The following CDKAL1 variants were observed in gnomAD, a reference collection of about 807,000 sequenced individuals.
CDKAL1 encodes threonylcarbamoyladenosine tRNA methylthiotransferase.
In CDKAL1, 32 loss-of-function variants were observed where a neutral mutation model predicts 68.2. That is an observed-to-expected ratio of 0.47 (90% CI 0.35 to 0.63). The LOEUF (loss-of-function observed/expected upper bound fraction) is 0.63. Among genes scored for constraint, CDKAL1 ranks in the 30% least tolerant of loss-of-function variants. The probability of loss-of-function intolerance (pLI) is 0.00; values close to 1 mark genes in which losing one functional copy is unlikely to be tolerated. For synonymous variants in CDKAL1, 234 were observed against 244.3 expected, an observed-to-expected ratio of 0.96 and a Z score of 0.39; for missense variants, 606 against 696.7, an observed-to-expected ratio of 0.87 and a Z score of 1.47.
intron 13 of CDKAL1, among the ~76,000 whole-genome samples, chr6:21,114,022 G>A (rs1013881664): frequency 9.9e-5 from 15 of 151,926 alleles, no homozygotes; most frequent in African/African-American, 3.6e-4. Flanking sequence ...GCCGAGGCGG[G>A]CAGATCACGA....
intron 10 of CDKAL1, among the ~76,000 whole-genome samples, chr6:20,988,478 G>T (rs548300482): frequency 6.6e-6 from 1 of 151,866 alleles, no homozygotes; most frequent in African/African-American, 2.4e-5. Context: ...TAGTAAAATC[G>T]CCTCCAAAAT....
intron 13 of CDKAL1, among the ~76,000 whole-genome samples, chr6:21,186,641 A>G (rs1183239089): frequency 6.6e-6 from 1 of 152,220 alleles, no homozygotes; most frequent in East Asian, 1.9e-4. Flanking sequence ...ATGGTCAAAA[A>G]GAGCAATTTT....
rs945252275 is a variant in CDKAL1, at chr6:21,033,606, G to A, written c.1056-31442G>A. On this transcript the variant is annotated intron_variant, in intron 11 of 15. Transcript: ENST00000274695. ...CAAATCAGTATAAAACCCAAGCTAC[G>A]GGAAAAGTGTTGCAAGAGAAGGCCT... Among the ~76,000 whole-genome samples the A allele has an allele frequency of 3.9e-5, 6 of 152,060 alleles. No individual in the cohort carries two copies. In the East Asian group the frequency reaches 5.8e-4, roughly 15 times the overall value.
At chr6:21,215,925 AG>A (rs1162743379) in intron 15 of CDKAL1, among the ~76,000 whole-genome samples, 1 of 152,188 alleles carries the variant, frequency 6.6e-6, no homozygotes, top group Non-Finnish European at 1.5e-5. Flanking sequence ...CCTTAACATA[AG>A]GAGGGTATAC....
At position 20,932,511 on chromosome 6, in the gene CDKAL1, A is replaced by G. The variant is rs1332638051; in HGVS notation, c.743-22908A>G. Among the ~76,000 whole-genome samples, 3 of 152,280 alleles carry G rather than the reference A, an allele frequency of 2.0e-5. No homozygotes were observed. The East Asian group carries it at 5.8e-4, about 29-fold the overall frequency. ...ACAGAAGAAACTTTGGTGTGGGTAA[A>G]AAAGAAACTACAAAGGGATTCCTGC... is the stretch of plus-strand genomic sequence containing the variant. On this transcript the variant is annotated intron_variant, in intron 9 of 15. Coordinates refer to ENST00000274695, the MANE Select transcript of CDKAL1 (RefSeq NM_017774.3).
chr6:20,562,823 A>G (rs1764320184), intron 4 of CDKAL1, among the ~76,000 whole-genome samples: 1 of 152,140 alleles, frequency 6.6e-6, no homozygotes, highest in Admixed American at 6.5e-5. Flanking sequence ...AAGTTTATCA[A>G]TTCTCATGTC....
At chr6:20,753,876 C>T (rs527785845) in intron 6 of CDKAL1, among the ~76,000 whole-genome samples, 1 of 152,008 alleles carries the variant, frequency 6.6e-6, no homozygotes, top group South Asian at 2.1e-4. Flanking sequence ...CAAAGTGCTG[C>T]ATCATTTTAC....
chr6:20,561,446 G>GAAAAAAAAAA (rs55750789), intron 4 of CDKAL1, among the ~76,000 whole-genome samples: 4 of 79,648 alleles, frequency 5.0e-5, no homozygotes, highest in African/African-American at 1.5e-4. Flanking sequence ...TCTCAAAAAA[G>GAAAAAAAAAA]AAAAAAAAAA....
chr6:21,188,811 C>T (rs1323555129), intron 13 of CDKAL1, among the ~76,000 whole-genome samples: 1 of 151,684 alleles, frequency 6.6e-6, no homozygotes, highest in Non-Finnish European at 1.5e-5. Flanking sequence ...GTTCTTACCA[C>T]AATTTTTTTT....
At chr6:20,996,432 C>T (rs1767109360) in intron 10 of CDKAL1, among the ~76,000 whole-genome samples, 1 of 152,176 alleles carries the variant, frequency 6.6e-6, no homozygotes, top group Admixed American at 6.5e-5. Flanking sequence ...GGGACTTTTC[C>T]ATCCACTTGA....
At chr6:20,619,414 T>C (rs1767076035) in intron 4 of CDKAL1, among the ~76,000 whole-genome samples, 1 of 152,214 alleles carries the variant, frequency 6.6e-6, no homozygotes, top group Non-Finnish European at 1.5e-5. Flanking sequence ...AGGTAATGCA[T>C]ACATCAATTA....
chr6:21,094,417 T>C (rs1389260765), intron 12 of CDKAL1, among the ~76,000 whole-genome samples: 20 of 152,196 alleles, frequency 1.3e-4, no homozygotes, highest in Admixed American at 1.2e-3. Context: ...GGATAACTGA[T>C]TTTGAAAAAA....
intron 11 of CDKAL1, among the ~76,000 whole-genome samples, chr6:21,040,139 A>G (rs930475675): frequency 6.6e-6 from 1 of 152,182 alleles, no homozygotes; most frequent in Admixed American, 6.5e-5. Flanking sequence ...ATGCATGTGG[A>G]TAGACGGAGA....
intron 12 of CDKAL1, among the ~76,000 whole-genome samples, chr6:21,096,505 T>G (rs115601376): frequency 0.03 from 4,594 of 152,306 alleles, 108 homozygotes; most frequent in Non-Finnish European, 0.047. Context: ...AATGACAATG[T>G]AGAAATACAT....
chr6:20,824,283 A>G (rs1777407346), intron 8 of CDKAL1, among the ~76,000 whole-genome samples: 1 of 152,158 alleles, frequency 6.6e-6, no homozygotes, highest in African/African-American at 2.4e-5. Context: ...AAGGCCCTGA[A>G]TTAGTTATCT....
intron 9 of CDKAL1, among the ~76,000 whole-genome samples, chr6:20,889,528 C>T (rs1761268590): frequency 6.6e-6 from 1 of 151,898 alleles, no homozygotes; most frequent in South Asian, 2.1e-4. Flanking sequence ...GTCTTTAATC[C>T]ATCTTGAATT....
At chr6:21,178,225 A>G (rs1157424327) in intron 13 of CDKAL1, among the ~76,000 whole-genome samples, 2 of 152,164 alleles carry the variant, frequency 1.3e-5, no homozygotes, top group African/African-American at 2.4e-5. Context: ...GATGATAGAG[A>G]AAAGGAAATA....
intron 9 of CDKAL1, among the ~76,000 whole-genome samples, chr6:20,882,075 C>T (rs773084679): frequency 2.7e-4 from 41 of 152,152 alleles, no homozygotes; most frequent in Admixed American, 3.9e-4. Context: ...AAATATGGCA[C>T]ATTGCATATT....
intron 11 of CDKAL1, among the ~76,000 whole-genome samples, chr6:21,044,958 G>A (rs1049347927): frequency 2.6e-5 from 4 of 152,152 alleles, no homozygotes; most frequent in South Asian, 2.1e-4. Context: ...GGCACTGCCC[G>A]GCTTCTTCAA....
Sources: allele counts gnomAD v4.1 joint callset (sites outside exome capture counted in the v4.1 genomes callset), GRCh38; gene constraint gnomAD v4.1.1; transcripts MANE v1.5; gene names NCBI Gene and HGNC (gene_info 2026-07-23, HGNC 2026-07-21).